SLC7A14: variants seen among roughly 807,000 people sequenced by gnomAD.
SLC7A14 encodes the protein gamma-aminobutyric acid transporter SLC7A14.
In SLC7A14, 37 loss-of-function variants were observed where a neutral mutation model predicts 60.2. The ratio of observed to expected loss-of-function variants is 0.61; its 90% CI spans 0.47 to 0.81. The LOEUF is 0.81. Among genes scored for constraint, SLC7A14 ranks in the 30% least tolerant of loss-of-function variants. SLC7A14 has a pLI of 0.00. For missense variants in SLC7A14, 886 were observed against 982.7 expected, an observed-to-expected ratio of 0.90 and a Z score of 1.32; for synonymous variants, 399 against 395.8, an observed-to-expected ratio of 1.01 and a Z score of -0.10.
intron 1 of SLC7A14, among the ~76,000 whole-genome samples, chr3:170,568,355 T>C (rs1056385046): frequency 6.6e-6 from 1 of 152,234 alleles, no homozygotes; most frequent in Non-Finnish European, 1.5e-5. Flanking sequence ...TCTGTTGTGT[T>C]CCATTGATCT....
chr3:170,483,338 A>T lies in SLC7A14; in HGVS notation c.1091T>A (p.Met364Lys), dbSNP rs1211268691. 6.2e-7 allele frequency: 1 copy of T among 1,614,158 alleles called. No individual in the cohort carries two copies. Among genetic ancestry groups the T allele is most frequent in the Non-Finnish European group, 8.5e-7 (1 of 1,180,020 alleles). Residue 364 changes from methionine (M) to lysine (K), a missense_variant, in exon 6 of 8, where the codon ATG (methionine) becomes AAG (lysine). Met to Lys is a moderately conservative substitution (Grantham distance 95, BLOSUM62 -1). Transcript: ENST00000231706. Reference sequence around the variant, plus strand: ...CCTGAAAAGGAGCCCGTCACCAGCCATGGCATAAATGACCCTCGGCATCGG... The same window carrying T: ...CCTGAAAAGGAGCCCGTCACCAGCCTTGGCATAAATGACCCTCGGCATCGG... ...LFPMPRVIYAMAGDGLLFRFL... is the reference protein window; with the variant it reads ...LFPMPRVIYAKAGDGLLFRFL...
intron 1 of SLC7A14, among the ~76,000 whole-genome samples, chr3:170,578,532 T>C (rs960744229): frequency 6.6e-6 from 1 of 152,218 alleles, no homozygotes; most frequent in African/African-American, 2.4e-5. Context: ...CTGTGTCAAA[T>C]TGGGCAGGTA....
At chr3:170,509,707 G>A (rs914256372) in intron 2 of SLC7A14, among the ~76,000 whole-genome samples, 9 of 151,876 alleles carry the variant, frequency 5.9e-5, no homozygotes. Flanking sequence ...CACTTTGGGA[G>A]GCCAAGGTGG....
chr3:170,481,848 A>G (rs1414827854), intron 6 of SLC7A14, among the ~76,000 whole-genome samples: 1 of 152,186 alleles, frequency 6.6e-6, no homozygotes, highest in East Asian at 1.9e-4. Flanking sequence ...GGAGGAAGTC[A>G]TGGACCTGCT....
chr3:170,533,092 T>C (rs1713727774), intron 1 of SLC7A14, among the ~76,000 whole-genome samples: 1 of 152,302 alleles, frequency 6.6e-6, no homozygotes, highest in South Asian at 2.1e-4. Flanking sequence ...CCCTTCTGAC[T>C]TTTATGCCTG....
At chr3:170,492,504 C>G (rs1363201285) in intron 4 of SLC7A14, among the ~76,000 whole-genome samples, 1 of 151,368 alleles carries the variant, frequency 6.6e-6, no homozygotes, top group Non-Finnish European at 1.5e-5. Flanking sequence ...GACTCTGCCT[C>G]AAAAAAAAGT....
At chr3:170,494,667 GA>G (rs1177570973) in intron 4 of SLC7A14, among the ~76,000 whole-genome samples, 1 of 152,200 alleles carries the variant, frequency 6.6e-6, no homozygotes, top group Non-Finnish European at 1.5e-5. Flanking sequence ...GGAGGATTTT[GA>G]AAATTAAATA....
intron 1 of SLC7A14, among the ~76,000 whole-genome samples, chr3:170,552,215 T>A (rs1178076188): frequency 6.6e-6 from 1 of 152,190 alleles, no homozygotes; most frequent in East Asian, 1.9e-4. Context: ...AATTGGTGTC[T>A]TAGTGTCAAG....
At chr3:170,503,772 A>T (rs1712685743) in intron 2 of SLC7A14, among the ~76,000 whole-genome samples, 1 of 152,234 alleles carries the variant, frequency 6.6e-6, no homozygotes, top group Non-Finnish European at 1.5e-5. Context: ...AATTAAATTT[A>T]AAAATACCCC....
chr3:170,577,608 G>C (rs1715132014), intron 1 of SLC7A14, among the ~76,000 whole-genome samples: 1 of 123,792 alleles, frequency 8.1e-6, no homozygotes, highest in Non-Finnish European at 1.6e-5. Context: ...CTGGGCGACA[G>C]AGCGAGACTC....
intron 1 of SLC7A14, among the ~76,000 whole-genome samples, chr3:170,571,343 T>G (rs1714950305): frequency 6.6e-6 from 1 of 152,184 alleles, no homozygotes; most frequent in Non-Finnish European, 1.5e-5. Flanking sequence ...TTGCTGACAG[T>G]TTAGGGCAAA....
intron 1 of SLC7A14, among the ~76,000 whole-genome samples, chr3:170,529,384 A>G (rs888305233): frequency 3.9e-5 from 6 of 152,232 alleles, no homozygotes. Context: ...ATTTTTAATA[A>G]CTGAGTAGTA....
At chr3:170,517,030 T>C (rs6799974) in intron 2 of SLC7A14, among the ~76,000 whole-genome samples, 109,327 of 151,994 alleles carry the variant, frequency 0.72, 39,476 homozygotes, top group Middle Eastern at 0.78. Context: ...CAAAACTGCT[T>C]GTTTAGTTTT....
intron 7 of SLC7A14, 43 bp downstream of exon 7, chr3:170,480,246 A>T: frequency 6.6e-7 from 1 of 1,505,826 alleles, no homozygotes; most frequent in African/African-American, 1.4e-5. Flanking sequence ...CATGCTTAAG[A>T]CCTTAAAAGG....
chr3:170,562,802 G>T (rs138092543), intron 1 of SLC7A14, among the ~76,000 whole-genome samples: 38 of 152,082 alleles, frequency 2.5e-4, no homozygotes, highest in African/African-American at 8.9e-4. Context: ...TGTCACCCAG[G>T]CTGGAGTACA....
At chr3:170,584,082 C>A (rs1715308469) in intron 1 of SLC7A14, among the ~76,000 whole-genome samples, 1 of 152,214 alleles carries the variant, frequency 6.6e-6, no homozygotes, top group Non-Finnish European at 1.5e-5. Flanking sequence ...CTGTGTGATA[C>A]TTTTGGTTGG....
intron 4 of SLC7A14, chr3:170,495,869 C>A (rs772788121): frequency 6.4e-5 from 82 of 1,285,208 alleles, no homozygotes; most frequent in Non-Finnish European, 8.7e-5. Flanking sequence ...ACATGAACAA[C>A]CTTAGGCGGC....
intron 1 of SLC7A14, among the ~76,000 whole-genome samples, chr3:170,544,484 T>C (rs548198148): frequency 6.6e-6 from 1 of 152,350 alleles, no homozygotes; most frequent in African/African-American, 2.4e-5. Flanking sequence ...GTGTCACTTA[T>C]ATGATGCTTA....
intron 1 of SLC7A14, among the ~76,000 whole-genome samples, chr3:170,575,579 G>A (rs1715067004): frequency 6.6e-6 from 1 of 152,200 alleles, no homozygotes. Flanking sequence ...ATATTTAGTA[G>A]TCACTTTGTG....
Sources: gnomAD v4.1 joint callset for allele counts (sites outside exome capture counted in the v4.1 genomes callset) on GRCh38, gnomAD v4.1.1 for gene constraint, MANE v1.5 for transcripts, NCBI Gene and HGNC (gene_info 2026-07-23, HGNC 2026-07-21) for gene names.